CHM: variants seen among roughly 807,000 people sequenced by gnomAD.
CHM encodes rab proteins geranylgeranyltransferase component A 1.
Under a neutral mutation model 49.0 loss-of-function variants are expected in CHM, and 10 were observed. That is an observed-to-expected ratio of 0.20 (90% CI 0.13 to 0.35). The LOEUF (loss-of-function observed/expected upper bound fraction) is 0.35, where lower values mean the gene tolerates loss of function less well. Among genes scored for constraint, CHM ranks in the 10% least tolerant of loss-of-function variants. CHM has a pLI of 1.00. For missense variants in CHM, 455 were observed against 478.4 expected, an observed-to-expected ratio of 0.95 and a Z score of 0.46; for synonymous variants, 184 against 167.5, an observed-to-expected ratio of 1.10 and a Z score of -0.76.
chrX:85,974,732 C>T (rs1407731111), intron 4 of CHM, among the ~76,000 whole-genome samples: 1 of 108,848 alleles, frequency 9.2e-6, no homozygotes, highest in Non-Finnish European at 1.9e-5. Context: ...CAACATAAAA[C>T]TATAATTAAA....
intron 12 of CHM, among the ~76,000 whole-genome samples, chrX:85,880,696 A>G (rs1392327030): frequency 8.9e-6 from 1 of 111,827 alleles, no homozygotes; most frequent in Non-Finnish European, 1.9e-5. Flanking sequence ...TATGCTAGGA[A>G]AAATGTCTAG....
At position 85,968,987 on chromosome X, in the gene CHM, A is replaced by G. The variant is rs748876999; in HGVS notation, c.315-4935T>C. On this transcript the variant is annotated intron_variant, in intron 4 of 14. Transcript: ENST00000357749. The stretch of plus-strand genomic sequence containing the variant: ...ACAGGTGATTTTACATTTTATTTGT[A>G]TTCGCTTCATCTAAATTAGAAGTAT... 1.7e-5 allele frequency: 7 copies of G among 402,018 alleles called. No individual in the cohort carries two copies. In the East Asian group the frequency reaches 1.4e-3, roughly 81 times the overall value. 33.1% of individuals were successfully genotyped at this position (402,018 alleles called of 1,213,427 possible). A position where few individuals can be genotyped will look rare whatever the true frequency, so the allele number is the denominator to read the frequency against.
intron 8 of CHM, among the ~76,000 whole-genome samples, chrX:85,912,368 T>C (rs1458143308): frequency 1.8e-5 from 2 of 111,317 alleles, no homozygotes; most frequent in South Asian, 3.8e-4. Context: ...TCTAAAATTA[T>C]ACAACACATG....
chrX:86,037,202 C>T (rs868454199), intron 1 of CHM, among the ~76,000 whole-genome samples: 2 of 104,772 alleles, frequency 1.9e-5, no homozygotes, highest in Non-Finnish European at 3.9e-5. Flanking sequence ...CTGCAACCTC[C>T]GCCTCCCGGG....
intron 8 of CHM, among the ~76,000 whole-genome samples, chrX:85,930,892 A>G (rs1032105861): frequency 7.1e-5 from 8 of 112,063 alleles, no homozygotes; most frequent in Non-Finnish European, 1.1e-4. Flanking sequence ...CATATTTGCA[A>G]CACTGGAAGC....
chrX:85,871,733 C>A (rs953292096), intron 14 of CHM, among the ~76,000 whole-genome samples: 5 of 111,541 alleles, frequency 4.5e-5, no homozygotes, highest in African/African-American at 1.6e-4. Context: ...CAATTATAAT[C>A]TTCTAGCATG....
At chrX:85,938,961 G>A (rs1928948387) in intron 8 of CHM, among the ~76,000 whole-genome samples, 1 of 111,814 alleles carries the variant, frequency 8.9e-6, no homozygotes, top group Non-Finnish European at 1.9e-5. Flanking sequence ...TATGAGGAAA[G>A]TCCCATAAGA....
intron 8 of CHM, among the ~76,000 whole-genome samples, chrX:85,926,519 G>A (rs774759261): frequency 8.9e-4 from 99 of 110,625 alleles, no homozygotes; most frequent in African/African-American, 2.9e-3. Flanking sequence ...GTCATGCCAC[G>A]GTAATAGTTA....
At chrX:86,013,089 C>G (rs1933143012) in intron 2 of CHM, among the ~76,000 whole-genome samples, 1 of 111,582 alleles carries the variant, frequency 9.0e-6, no homozygotes, top group Non-Finnish European at 1.9e-5. Flanking sequence ...CTCCCCTATT[C>G]TGAGCCCATA....
At chrX:85,918,191 C>T (rs1927567375) in intron 8 of CHM, among the ~76,000 whole-genome samples, 1 of 110,639 alleles carries the variant, frequency 9.0e-6, no homozygotes, top group African/African-American at 3.3e-5. Context: ...CAAAGGGAAC[C>T]CCATCAGGCT....
Position 85,864,659 on chromosome X carries a change from G to A in CHM, c.1933C>T (p.Leu645Phe), listed in dbSNP as rs1202402597. ...NSETFKESTN[L>F]GNLEESSE ...TCAGAGGACTCCTCTAGGTTTCCAA[G>A]GTTTGTGCTTTCCTTGAAAGTCTCC... Residue 645 changes from leucine (L) to phenylalanine (F), a missense_variant, in exon 15 of 15, where the codon CTT becomes TTT. Coordinates refer to ENST00000357749, the MANE Select transcript of CHM (RefSeq NM_000390.4). 1.7e-6 allele frequency: 2 copies of A among 1,208,420 alleles called. No homozygotes were observed. Among genetic ancestry groups the A allele is most frequent in the East Asian group, 5.9e-5 (2 of 33,648 alleles).
chrX:85,981,927 C>T (rs1931644232), intron 2 of CHM, 118 bp from the exon 3 acceptor site: 2 of 579,180 alleles, frequency 3.5e-6, no homozygotes, highest in African/African-American at 4.7e-5. Context: ...AATATTACTG[C>T]CTCAAGAGTT....
At chrX:85,998,171 C>A (rs1280335763) in intron 2 of CHM, among the ~76,000 whole-genome samples, 1 of 111,158 alleles carries the variant, frequency 9.0e-6, no homozygotes, top group Admixed American at 9.5e-5. Flanking sequence ...ATTGTTCTTT[C>A]ACTATTAGTA....
chrX:85,884,566 T>C (rs1265151221), intron 12 of CHM, among the ~76,000 whole-genome samples: 1 of 111,351 alleles, frequency 9.0e-6, no homozygotes, highest in Non-Finnish European at 1.9e-5. Flanking sequence ...ACCTCCCTTG[T>C]TTATTGAACT....
intron 2 of CHM, among the ~76,000 whole-genome samples, chrX:85,985,279 C>T (rs1385921838): frequency 8.9e-6 from 1 of 112,312 alleles, no homozygotes; most frequent in Non-Finnish European, 1.9e-5. Context: ...CCCAGCACAG[C>T]GGCTCTACAA....
At chrX:85,985,300 A>T (rs780278272) in intron 2 of CHM, among the ~76,000 whole-genome samples, 22 of 112,509 alleles carry the variant, frequency 2.0e-4, no homozygotes, top group African/African-American at 5.5e-4. Context: ...AAACGTGACC[A>T]GACTGCTTTT....
Position 85,901,105 on chromosome X carries a change from A to C in CHM, c.1328T>G (p.Met443Arg). 1 of 1,203,177 alleles carries C rather than the reference A, an allele frequency of 8.3e-7. No individual in the cohort carries two copies. The highest frequency in any genetic ancestry group is 1.1e-6 in the Non-Finnish European group (1 of 889,039). ...TTACCTGTATTGCACACGTGAGCAC[A>C]TGTTCTCAGGAAAGTAACTGTCCTC... ...LVEDSYFPEN[M>R]CSRVQYRQIS... The change falls in exon 10 of 15, where the codon ATG becomes AGG. Residue 443 changes from methionine to arginine, a missense_variant. Coordinates refer to ENST00000357749, the MANE Select transcript of CHM (RefSeq NM_000390.4).
intron 8 of CHM, among the ~76,000 whole-genome samples, chrX:85,931,951 T>TC (rs755087886): frequency 8.0e-5 from 9 of 112,495 alleles, no homozygotes; most frequent in Non-Finnish European, 1.7e-4. Flanking sequence ...TCCTCATTTT[T>TC]ACTAGCTTGA....
chrX:85,901,641 A>G (rs1374840061), intron 9 of CHM, among the ~76,000 whole-genome samples: 1 of 111,435 alleles, frequency 9.0e-6, no homozygotes, highest in African/African-American at 3.3e-5. Context: ...CGAGGTTTTT[A>G]TTTTTCTGTT....
Sources: allele counts gnomAD v4.1 joint callset (sites outside exome capture counted in the v4.1 genomes callset), GRCh38; gene constraint gnomAD v4.1.1; transcripts MANE v1.5; gene names NCBI Gene and HGNC (gene_info 2026-07-23, HGNC 2026-07-21).